The following ST6GALNAC3 variants were observed in gnomAD, a reference collection of about 807,000 sequenced individuals.
The protein encoded by ST6GALNAC3 is alpha-N-acetylgalactosaminide alpha-2,6-sialyltransferase 3.
Under a neutral mutation model 32.7 loss-of-function variants are expected in ST6GALNAC3, and 25 were observed. That is an observed-to-expected ratio of 0.76 (90% CI 0.56 to 1.07). The LOEUF is 1.07. Ranked by LOEUF, ST6GALNAC3 falls within the 50% of genes least tolerant of loss-of-function variation. ST6GALNAC3 has a pLI of 0.00. For synonymous variants in ST6GALNAC3, 129 were observed against 133.1 expected (o/e 0.97, Z 0.21); for missense variants, 355 against 382.4 (o/e 0.93, Z 0.60).
intron 1 of ST6GALNAC3, among the ~76,000 whole-genome samples, chr1:76,181,596 C>T (rs1299004023): frequency 6.6e-6 from 1 of 151,966 alleles, no homozygotes; most frequent in African/African-American, 2.4e-5. Context: ...GCCTTATTAC[C>T]ATGTGTTAAG....
intron 1 of ST6GALNAC3, among the ~76,000 whole-genome samples, chr1:76,202,065 C>T (rs924403918): frequency 4.6e-5 from 7 of 152,012 alleles, no homozygotes; most frequent in Non-Finnish European, 8.8e-5. Context: ...GTCAGAGGTA[C>T]CCTGAAGGAC....
intron 2 of ST6GALNAC3, among the ~76,000 whole-genome samples, chr1:76,360,952 A>T (rs1649879236): frequency 6.6e-6 from 1 of 152,168 alleles, no homozygotes; most frequent in South Asian, 2.1e-4. Context: ...AAAGAGCTAG[A>T]GGCTAATTAA....
intron 3 of ST6GALNAC3, among the ~76,000 whole-genome samples, chr1:76,443,971 A>C (rs1402262474): frequency 1.3e-5 from 2 of 152,224 alleles, no homozygotes; most frequent in African/African-American, 2.4e-5. Context: ...TGTTCTCAAC[A>C]CACATTTTCA....
intron 3 of ST6GALNAC3, among the ~76,000 whole-genome samples, chr1:76,455,816 T>G (rs959134102): frequency 6.6e-6 from 1 of 152,144 alleles, no homozygotes; most frequent in Non-Finnish European, 1.5e-5. Flanking sequence ...TAAATGAAAA[T>G]TGCTTGAATT....
intron 1 of ST6GALNAC3, among the ~76,000 whole-genome samples, chr1:76,195,170 A>C (rs540547332): frequency 5.3e-5 from 8 of 152,342 alleles, no homozygotes; most frequent in African/African-American, 1.9e-4. Flanking sequence ...GGCATCAATG[A>C]CTATTAGTTG....
At chr1:76,111,469 T>G (rs992945013) in intron 1 of ST6GALNAC3, among the ~76,000 whole-genome samples, 2 of 151,762 alleles carry the variant, frequency 1.3e-5, no homozygotes, top group Non-Finnish European at 2.9e-5. Flanking sequence ...TTGATCATTC[T>G]TGGGTGTTTC....
At chr1:76,132,269 C>T (rs1649659396) in intron 1 of ST6GALNAC3, among the ~76,000 whole-genome samples, 1 of 152,148 alleles carries the variant, frequency 6.6e-6, no homozygotes, top group Non-Finnish European at 1.5e-5. Context: ...GAGTCTAGCT[C>T]ATAATTGGAA....
chr1:76,175,138 C>T (rs1018509346), intron 1 of ST6GALNAC3, among the ~76,000 whole-genome samples: 9 of 152,000 alleles, frequency 5.9e-5, no homozygotes, highest in Non-Finnish European at 1.2e-4. Context: ...TCTTTGATTA[C>T]ATCCTTTGTA....
intron 3 of ST6GALNAC3, among the ~76,000 whole-genome samples, chr1:76,603,653 CTCTG>C (rs1647345694): frequency 1.3e-5 from 2 of 152,246 alleles, no homozygotes; most frequent in African/African-American, 4.8e-5. Context: ...ATGGACAATG[CTCTG>C]TCTGTTTTAT....
chr1:76,251,120 C>T (rs769991596), intron 1 of ST6GALNAC3, among the ~76,000 whole-genome samples: 10 of 152,076 alleles, frequency 6.6e-5, no homozygotes, highest in Non-Finnish European at 1.3e-4. Flanking sequence ...TTTCCACCTT[C>T]AACAATGTAT....
chr1:76,442,640 A>ATG (rs1656692236), intron 3 of ST6GALNAC3, among the ~76,000 whole-genome samples: 1 of 152,172 alleles, frequency 6.6e-6, no homozygotes, highest in African/African-American at 2.4e-5. Context: ...CCGGCAACAG[A>ATG]TGTGTTATTT....
At chr1:76,573,138 C>T (rs1218185787) in intron 3 of ST6GALNAC3, among the ~76,000 whole-genome samples, 3 of 152,016 alleles carry the variant, frequency 2.0e-5, no homozygotes, top group Admixed American at 6.6e-5. Flanking sequence ...CTGAACAAAC[C>T]TCTGAAGTCA....
At chr1:76,120,969 T>C (rs1333919253) in intron 1 of ST6GALNAC3, among the ~76,000 whole-genome samples, 1 of 152,190 alleles carries the variant, frequency 6.6e-6, no homozygotes, top group Non-Finnish European at 1.5e-5. Context: ...TGATATTCCT[T>C]GGCAAGTGGC....
chr1:76,423,969 G>A (rs932702290), intron 3 of ST6GALNAC3, among the ~76,000 whole-genome samples: 1 of 151,894 alleles, frequency 6.6e-6, no homozygotes, highest in Admixed American at 6.6e-5. Flanking sequence ...AATGAAATGA[G>A]TGTCCTACAC....
chr1:76,312,805 T>G (rs1365827981), intron 1 of ST6GALNAC3, among the ~76,000 whole-genome samples: 2 of 152,178 alleles, frequency 1.3e-5, no homozygotes, highest in East Asian at 3.8e-4. Context: ...TTTCTCCTTC[T>G]TCGTGCTCCA....
chr1:76,368,083 C>T (rs908302417), intron 2 of ST6GALNAC3, among the ~76,000 whole-genome samples: 4 of 152,102 alleles, frequency 2.6e-5, no homozygotes, highest in African/African-American at 4.8e-5. Flanking sequence ...GCCCTCTGTG[C>T]TCTAGCCCAG....
chr1:76,214,348 G>A (rs564798808), intron 1 of ST6GALNAC3, among the ~76,000 whole-genome samples: 28 of 152,116 alleles, frequency 1.8e-4, no homozygotes, highest in Non-Finnish European at 3.8e-4. Flanking sequence ...TTTTCATGAT[G>A]CAATACAATT....
intron 1 of ST6GALNAC3, among the ~76,000 whole-genome samples, chr1:76,078,471 G>A (rs943534919): frequency 2.0e-5 from 3 of 152,068 alleles, no homozygotes; most frequent in Admixed American, 6.5e-5. Context: ...TAGGAATTCA[G>A]ACTTCACATT....
intron 3 of ST6GALNAC3, among the ~76,000 whole-genome samples, chr1:76,523,186 G>A (rs987644548): frequency 6.6e-6 from 1 of 152,068 alleles, no homozygotes; most frequent in African/African-American, 2.4e-5. Context: ...TAACCAACTA[G>A]ATAGAACATG....
Sources: gnomAD v4.1 joint callset for allele counts (sites outside exome capture counted in the v4.1 genomes callset) on GRCh38, gnomAD v4.1.1 for gene constraint, MANE v1.5 for transcripts, NCBI Gene and HGNC (gene_info 2026-07-23, HGNC 2026-07-21) for gene names.